TOPBP1: variants seen among roughly 807,000 people sequenced by gnomAD.
The protein encoded by TOPBP1 is DNA topoisomerase 2-binding protein 1.
Under a neutral mutation model 167.7 loss-of-function variants are expected in TOPBP1, and 28 were observed. The ratio of observed to expected loss-of-function variants is 0.17; its 90% CI spans 0.12 to 0.23. The LOEUF is 0.23. Among genes scored for constraint, TOPBP1 ranks in the 10% least tolerant of loss-of-function variants. TOPBP1 has a pLI of 1.00. For missense variants in TOPBP1, 1,554 were observed against 1,809.6 expected (o/e 0.86, Z 2.56); for synonymous variants, 598 against 611.4 (o/e 0.98, Z 0.32).
At chr3:133,639,263 A>G (rs2107808492) in intron 13 of TOPBP1, among the ~76,000 whole-genome samples, 1 of 152,334 alleles carries the variant, frequency 6.6e-6, no homozygotes, top group East Asian at 1.9e-4. Context: ...CATATACACC[A>G]TGGAATACTA....
In TOPBP1 at chr3:133,612,446, C is replaced by T; in HGVS notation, c.3978G>A (p.Lys1326=). ...CAAGGTAGGAGCGATGAAGCACCCA[C>T]TTCCCAGCTGCCACTGAGGCTAAAT... ...EKYLASVAAG[K]WVLHRSYLEA... Residue 1326 remains lysine, a synonymous_variant, in exon 24 of 28, where the codon AAG becomes AAA. Transcript: ENST00000260810. 5 of 1,613,996 alleles carry T rather than the reference C, an allele frequency of 3.1e-6. No individual in the cohort carries two copies. The highest frequency in any genetic ancestry group is 4.2e-6 in the Non-Finnish European group (5 of 1,179,870).
intron 24 of TOPBP1, among the ~76,000 whole-genome samples, chr3:133,611,831 G>A (rs1179942430): frequency 6.6e-6 from 1 of 151,948 alleles, no homozygotes. Flanking sequence ...TGACCTCCTG[G>A]GCTCAAGCAA....
intron 10 of TOPBP1, among the ~76,000 whole-genome samples, chr3:133,645,760 C>T (rs1347356507): frequency 6.6e-6 from 1 of 152,158 alleles, no homozygotes; most frequent in Non-Finnish European, 1.5e-5. Context: ...TGTTCTACAG[C>T]AGTTCTTTCC....
At chr3:133,648,455 C>A (rs1482986256) in intron 10 of TOPBP1, among the ~76,000 whole-genome samples, 1 of 152,124 alleles carries the variant, frequency 6.6e-6, no homozygotes, top group African/African-American at 2.4e-5. Flanking sequence ...ATCACATAAG[C>A]TGAGTATGTT....
chr3:133,610,376 C>T (rs1009236527), intron 25 of TOPBP1, among the ~76,000 whole-genome samples: 15 of 152,126 alleles, frequency 9.9e-5, no homozygotes, highest in African/African-American at 3.4e-4. Flanking sequence ...GACTTGTGTT[C>T]CTGAACTATG....
At chr3:133,651,273 G>A (rs965460519) in intron 8 of TOPBP1, among the ~76,000 whole-genome samples, 6 of 134,306 alleles carry the variant, frequency 4.5e-5, no homozygotes, top group African/African-American at 8.4e-5. Context: ...TGTAACCTCC[G>A]CCTCCTGGGT....
intron 3 of TOPBP1, among the ~76,000 whole-genome samples, chr3:133,658,660 T>G (rs1410161292): frequency 6.6e-6 from 1 of 151,796 alleles, no homozygotes; most frequent in Non-Finnish European, 1.5e-5. Context: ...AATAAAAAAA[T>G]CAGCCGGGTG....
intron 14 of TOPBP1, among the ~76,000 whole-genome samples, chr3:133,630,515 C>T (rs1206068948): frequency 6.6e-6 from 1 of 152,040 alleles, no homozygotes; most frequent in African/African-American, 2.4e-5. Flanking sequence ...CCAGGCTGGT[C>T]TCAAACTCCT....
intron 7 of TOPBP1, 67 bp from the exon 8 acceptor site, chr3:133,652,696 ATTAAC>A: frequency 1.5e-6 from 2 of 1,349,336 alleles, no homozygotes; most frequent in East Asian, 2.3e-5. Flanking sequence ...TTGTCTATGG[ATTAAC>A]TTTTCTTACA....
chr3:133,655,455 C>T lies in TOPBP1; in HGVS notation c.577G>A (p.Glu193Lys), dbSNP rs2107833679. The change falls in exon 6 of 28, where the codon GAA becomes AAA. Residue 193 changes from glutamate (E) to lysine (K), a missense_variant. Around this residue, in one of 3 missense-constraint regions of TOPBP1, gnomAD observed 1,197 missense variants for 1,351.5 expected, o/e 0.89. Coordinates refer to ENST00000260810, the MANE Select transcript of TOPBP1 (RefSeq NM_007027.4). ...KITRYTDINM[E>K]DFKCPIFLGC... is the part of the protein sequence containing the mutation. ...AGAAAAATAGGACACTTGAAATCTT[C>T]CATGTTTATATCAGTATATCTAGTT... The T allele has an allele frequency of 6.4e-7, 1 of 1,574,746 alleles. No individual in the cohort carries two copies. Among genetic ancestry groups the T allele is most frequent in the South Asian group, 1.2e-5 (1 of 84,650 alleles).
intron 27 of TOPBP1, among the ~76,000 whole-genome samples, chr3:133,603,928 G>A (rs983180913): frequency 2.0e-5 from 3 of 151,728 alleles, no homozygotes; most frequent in Non-Finnish European, 4.4e-5. Context: ...ATGAAGCTGG[G>A]TGATAAAACA....
intron 8 of TOPBP1, among the ~76,000 whole-genome samples, chr3:133,652,241 C>T (rs1037660594): frequency 2.0e-5 from 3 of 151,936 alleles, no homozygotes; most frequent in Middle Eastern, 3.2e-3. Context: ...GAGTTAAAAC[C>T]TGAAATGAAC....
At chr3:133,630,766 C>A (rs2107797507) in intron 14 of TOPBP1, among the ~76,000 whole-genome samples, 1 of 152,270 alleles carries the variant, frequency 6.6e-6, no homozygotes, top group South Asian at 2.1e-4. Flanking sequence ...ATTTTTAATG[C>A]TGTCAAATTC....
chr3:133,628,107 T>A, intron 16 of TOPBP1: 2 of 411,138 alleles, frequency 4.9e-6, no homozygotes, highest in African/African-American at 4.0e-5. Flanking sequence ...CTAGAATAGT[T>A]AGTGGCATAA....
intron 13 of TOPBP1, among the ~76,000 whole-genome samples, chr3:133,639,679 G>A (rs1248674065): frequency 6.6e-6 from 1 of 152,174 alleles, no homozygotes; most frequent in African/African-American, 2.4e-5. Context: ...AGGAAGAGCA[G>A]GCAACTGTGA....
intron 14 of TOPBP1, 62 bp from the exon 15 acceptor site, chr3:133,628,795 G>T: frequency 4.7e-6 from 7 of 1,495,828 alleles, no homozygotes; most frequent in Non-Finnish European, 6.3e-6. Context: ...AAGCAAGATG[G>T]GTTAATAGGA....
intron 27 of TOPBP1, among the ~76,000 whole-genome samples, chr3:133,606,247 G>GA (rs892933819): frequency 4.5e-4 from 69 of 151,788 alleles, no homozygotes; most frequent in Admixed American, 7.2e-4. Context: ...GCAAATTGTA[G>GA]AAAAAAATCT....
At chr3:133,614,900 A>G (rs1481022245) in intron 23 of TOPBP1, among the ~76,000 whole-genome samples, 2 of 151,968 alleles carry the variant, frequency 1.3e-5, no homozygotes, top group Non-Finnish European at 1.5e-5. Flanking sequence ...TGGGAGCAGC[A>G]CACCAACATG....
chr3:133,636,761 C>T (rs1386216717), intron 14 of TOPBP1, among the ~76,000 whole-genome samples: 1 of 152,018 alleles, frequency 6.6e-6, no homozygotes, highest in Non-Finnish European at 1.5e-5. Context: ...ATAATGAAGC[C>T]GAAAGAGGTT....
Sources: gnomAD v4.1 joint callset for allele counts (sites outside exome capture counted in the v4.1 genomes callset) on GRCh38, gnomAD v4.1.1 for gene constraint, gnomAD v4.1.1 regional missense constraint, MANE v1.5 for transcripts, NCBI Gene and HGNC (gene_info 2026-07-23, HGNC 2026-07-21) for gene names.